ADI1: variants seen among roughly 807,000 people sequenced by gnomAD.
The protein encoded by ADI1 is acireductone dioxygenase.
Under a neutral mutation model 18.7 loss-of-function variants are expected in ADI1, and 21 were observed. The observed-to-expected ratio is 1.13, with a 90% CI of 0.80 to 1.62. ADI1 has a LOEUF of 1.62. Among genes scored for constraint, ADI1 ranks in the 40% most tolerant of loss-of-function variants. The probability of loss-of-function intolerance (pLI) is 0.00; values close to 1 mark genes in which losing one functional copy is unlikely to be tolerated. For synonymous variants in ADI1, 90 were observed against 100.1 expected, an observed-to-expected ratio of 0.90 and a Z score of 0.60; for missense variants, 245 against 254.9, an observed-to-expected ratio of 0.96 and a Z score of 0.26.
chr2:3,503,233 C>T (rs1667068267), intron 2 of ADI1, among the ~76,000 whole-genome samples: 1 of 89,884 alleles, frequency 1.1e-5, no homozygotes, highest in African/African-American at 6.5e-5. Context: ...GTAACACTCT[C>T]TCATGTGCAT....
chr2:3,503,025 G>A (rs1201127124), intron 2 of ADI1, among the ~76,000 whole-genome samples: 2 of 152,060 alleles, frequency 1.3e-5, no homozygotes, highest in Non-Finnish European at 2.9e-5. Flanking sequence ...GGAATTAGAG[G>A]TGTCTGTTTG....
chr2:3,500,950 A>C lies in ADI1; in HGVS notation c.284T>G (p.Ile95Ser), dbSNP rs761219204. The C allele has an allele frequency of 6.2e-7, 1 of 1,613,408 alleles. No homozygotes were observed. The change falls in exon 3 of 4, where the codon ATC becomes AGC. Residue 95 changes from isoleucine (I) to serine (S), a missense_variant. By Grantham distance (142) the Ile-to-Ser change is moderately radical. Transcript: ENST00000327435. ...YEEHLHLDDEIRYILDGSGYF... is the reference protein window; with the variant it reads ...YEEHLHLDDESRYILDGSGYF... ...CCCACTGCCATCCAGGATGTAGCGG[A>C]TCTCATCGTCCAAGTGCAAATGCTC...
intron 1 of ADI1, 159 bp downstream of exon 1, chr2:3,519,209 G>C (rs1667501419): frequency 8.9e-7 from 1 of 1,119,676 alleles, no homozygotes; most frequent in Admixed American, 4.3e-5. Flanking sequence ...CCCACCCCAG[G>C]CACCGGGAGC....
intron 1 of ADI1, 140 bp downstream of exon 1, chr2:3,519,228 A>T: frequency 8.2e-7 from 1 of 1,225,978 alleles, no homozygotes; most frequent in Non-Finnish European, 1.0e-6. Context: ...GCCGCCACGA[A>T]CCCCCAAATC....
rs546600290 is a variant in ADI1, at chr2:3,504,911, CTGAG to C, written c.241-3922_241-3919del. Among the ~76,000 whole-genome samples, 513 of 152,096 alleles carry C rather than the reference CTGAG, an allele frequency of 3.4e-3. 2 individuals are homozygous for C. The highest frequency in any genetic ancestry group is 0.012 in the African/African-American group (490 of 41,440). On this transcript the variant is annotated intron_variant, in intron 2 of 3. Transcript: ENST00000327435. ...GCGTATGTTTGCGTTGTTGGTTCAC[CTGAG>C]TATGTTTGCATTGTCAGTTCACCTG... is the stretch of plus-strand genomic sequence containing the variant.
At chr2:3,514,930 C>T in intron 1 of ADI1, 1 of 1,501,702 alleles carries the variant, frequency 6.7e-7, no homozygotes, top group Non-Finnish European at 8.9e-7. Context: ...TCAAATAATA[C>T]TTTTATAATT....
rs2103209489 is a variant in ADI1, at chr2:3,509,674, T to G, written c.240+4183A>C. On this transcript the variant is annotated intron_variant, in intron 2 of 3. Transcript: ENST00000327435. The stretch of plus-strand genomic sequence containing the variant: ...AGTATATCGAAATTATCAAAAGTTG[T>G]GTGAAGCCACTAAAGCAGTACTCTG... Among the ~76,000 whole-genome samples, 2 of 152,192 alleles carry G rather than the reference T, an allele frequency of 1.3e-5. 1 individual carries two copies. Among genetic ancestry groups the G allele is most frequent in the South Asian group, 4.1e-4 (2 of 4,826 alleles).
chr2:3,506,914 T>TA (rs1397164431), intron 2 of ADI1, among the ~76,000 whole-genome samples: 1 of 152,228 alleles, frequency 6.6e-6, no homozygotes, highest in Non-Finnish European at 1.5e-5. Flanking sequence ...TTGTTTGTGT[T>TA]AGAGTGATTT....
At chr2:3,514,791 A>T in intron 1 of ADI1, 1 of 1,548,348 alleles carries the variant, frequency 6.5e-7, no homozygotes, top group Non-Finnish European at 8.7e-7. Context: ...ACTGCACATT[A>T]TATCATCACT....
At position 3,499,020 on chromosome 2, in the gene ADI1, G is replaced by C; in HGVS notation, c.483C>G (p.Pro161=). 1.2e-6 allele frequency: 2 copies of C among 1,613,996 alleles called. No individual in the cohort carries two copies. The highest frequency in any genetic ancestry group is 2.2e-5 in the East Asian group (1 of 44,876). The change falls in exon 4 of 4, where the codon CCC becomes CCG. Residue 161 remains proline (P), a synonymous_variant. Coordinates refer to ENST00000327435, the MANE Select transcript of ADI1 (RefSeq NM_018269.4). ...GCCCGCGGGCTTCAAAATGGTCAGC[G>C]GGCCGGTTGTACGCTGTCCACACCG... ...GEPVWTAYNR[P]ADHFEARGQY...
At chr2:3,503,223 G>A (rs1008097657) in intron 2 of ADI1, among the ~76,000 whole-genome samples, 2 of 102,014 alleles carry the variant, frequency 2.0e-5, no homozygotes, top group African/African-American at 8.2e-5. Flanking sequence ...ATGCACACAC[G>A]TAACACTCTC....
chr2:3,503,992 G>A (rs1282397874), intron 2 of ADI1, among the ~76,000 whole-genome samples: 2 of 152,154 alleles, frequency 1.3e-5, no homozygotes, highest in Non-Finnish European at 2.9e-5. Context: ...GCCCACAAAG[G>A]CAGGAATCAT....
chr2:3,508,080 A>T (rs1667213708), intron 2 of ADI1, among the ~76,000 whole-genome samples: 1 of 152,142 alleles, frequency 6.6e-6, no homozygotes, highest in African/African-American at 2.4e-5. Flanking sequence ...CACATCTGTA[A>T]TCCCAGCACT....
Position 3,499,041 on chromosome 2 carries a change from C to T in ADI1, c.462G>A (p.Val154=). Residue 154 remains valine, a synonymous_variant, in exon 4 of 4, where the codon GTG becomes GTA. Coordinates refer to ENST00000327435, the MANE Select transcript of ADI1 (RefSeq NM_018269.4). ...KAMRLFVGEP[V]WTAYNRPADH... ...CAGCGGGCCGGTTGTACGCTGTCCACACCGGTTCTCCCACAAACAGCCGCA... is the reference window on the plus strand; with the variant it reads ...CAGCGGGCCGGTTGTACGCTGTCCATACCGGTTCTCCCACAAACAGCCGCA... 1 of 1,614,168 alleles carries T rather than the reference C, an allele frequency of 6.2e-7. No individual in the cohort carries two copies. Among genetic ancestry groups the T allele is most frequent in the African/African-American group, 1.3e-5 (1 of 75,070 alleles).
chr2:3,510,613 A>G (rs536919804), intron 2 of ADI1, among the ~76,000 whole-genome samples: 84 of 152,328 alleles, frequency 5.5e-4, no homozygotes, highest in African/African-American at 1.9e-3. Context: ...ACAGCACTAC[A>G]TACTCTACAG....
At position 3,499,053 on chromosome 2, in the gene ADI1, C is replaced by T. The variant is rs1453176250; in HGVS notation, c.450G>A (p.Val150=). The change falls in exon 4 of 4, where the codon GTG becomes GTA. Residue 150 remains valine (V), a synonymous_variant. Coordinates refer to ENST00000327435, the MANE Select transcript of ADI1 (RefSeq NM_018269.4). ...TGTACGCTGTCCACACCGGTTCTCC[C>T]ACAAACAGCCGCATGGCCTTCGTGT... ...KNYTKAMRLF[V]GEPVWTAYNR... 5.0e-6 allele frequency: 8 copies of T among 1,614,072 alleles called. No individual in the cohort carries two copies. The East Asian group carries it at 1.8e-4, about 36-fold the overall frequency.
At chr2:3,508,227 C>T (rs1667216781) in intron 2 of ADI1, among the ~76,000 whole-genome samples, 1 of 147,448 alleles carries the variant, frequency 6.8e-6, no homozygotes, top group Admixed American at 7.0e-5. Flanking sequence ...CCCAGCTACT[C>T]AGGAGGTTGA....
intron 2 of ADI1, 32 bp from the exon 3 acceptor site, chr2:3,501,025 C>A: frequency 6.5e-7 from 1 of 1,541,678 alleles, no homozygotes; most frequent in South Asian, 1.3e-5. Flanking sequence ...TGTGAGTCTA[C>A]CAGAGACCTG....
At chr2:3,511,842 A>G (rs1180574650) in intron 2 of ADI1, among the ~76,000 whole-genome samples, 1 of 152,254 alleles carries the variant, frequency 6.6e-6, no homozygotes, top group Non-Finnish European at 1.5e-5. Context: ...GAGGTCTCAG[A>G]TGGAAATGAG....
Sources: allele counts gnomAD v4.1 joint callset (sites outside exome capture counted in the v4.1 genomes callset), GRCh38; gene constraint gnomAD v4.1.1; transcripts MANE v1.5; gene names NCBI Gene and HGNC (gene_info 2026-07-23, HGNC 2026-07-21).